The following CA10 variants were observed in gnomAD, a reference collection of about 807,000 sequenced individuals.
The protein encoded by CA10 is carbonic anhydrase-related protein 10.
A neutral mutation model predicts 44.2 loss-of-function variants in CA10; 14 were observed. That is an observed-to-expected ratio of 0.32 (90% CI 0.21 to 0.50). The LOEUF (loss-of-function observed/expected upper bound fraction) is 0.50. Ranked by LOEUF, CA10 falls within the 20% of genes least tolerant of loss-of-function variation. The pLI is 0.99. For missense variants in CA10, 350 were observed against 409.7 expected, an observed-to-expected ratio of 0.85 and a Z score of 1.26; for synonymous variants, 159 against 141.6, an observed-to-expected ratio of 1.12 and a Z score of -0.87.
At chr17:51,820,866 A>G (rs1240439056) in intron 3 of CA10, among the ~76,000 whole-genome samples, 2 of 152,104 alleles carry the variant, frequency 1.3e-5, no homozygotes, top group African/African-American at 4.8e-5. Context: ...CTGGATGCAG[A>G]AGTGTTTCTT....
At chr17:51,831,701 A>AGCGGCAGCGGCAGCAGCGGCAGCG (rs1567854601) in intron 3 of CA10, among the ~76,000 whole-genome samples, 3 of 84,756 alleles carry the variant, frequency 3.5e-5, no homozygotes, top group Non-Finnish European at 8.5e-5. Flanking sequence ...CAGCAGCAGC[A>AGCGGCAGCGGCAGCAGCGGCAGCG]GCAGCAGCAG....
chr17:51,694,541 T>A (rs910013420), intron 4 of CA10, among the ~76,000 whole-genome samples: 2 of 151,240 alleles, frequency 1.3e-5, no homozygotes, highest in African/African-American at 4.9e-5. Context: ...TTCTTGTAGG[T>A]TCTGGATATC....
chr17:51,695,672 A>G (rs1915378924), intron 4 of CA10, among the ~76,000 whole-genome samples: 1 of 152,066 alleles, frequency 6.6e-6, no homozygotes, highest in Non-Finnish European at 1.5e-5. Context: ...TTCTTGCCAG[A>G]TTGCTCTGGC....
chr17:51,889,214 C>G (rs1169110549), intron 3 of CA10, among the ~76,000 whole-genome samples: 6 of 152,086 alleles, frequency 3.9e-5, no homozygotes, highest in African/African-American at 1.4e-4. Flanking sequence ...GTTACTTATA[C>G]AGGGCTAGTC....
At chr17:51,881,242 GAAAAAAAA>G (rs11423498) in intron 3 of CA10, among the ~76,000 whole-genome samples, 1 of 123,734 alleles carries the variant, frequency 8.1e-6, no homozygotes, top group East Asian at 2.4e-4. Flanking sequence ...TCCGTCTCAA[GAAAAAAAA>G]AAAAAAAAAA....
At chr17:52,097,487 T>C (rs954128613) in intron 1 of CA10, among the ~76,000 whole-genome samples, 3 of 152,210 alleles carry the variant, frequency 2.0e-5, no homozygotes, top group Non-Finnish European at 4.4e-5. Context: ...CTCTTGCACT[T>C]CTAATTTTCA....
At chr17:51,918,573 A>G (rs1268264938) in intron 3 of CA10, among the ~76,000 whole-genome samples, 1 of 152,232 alleles carries the variant, frequency 6.6e-6, no homozygotes, top group Non-Finnish European at 1.5e-5. Context: ...GGGTTAGAGC[A>G]TGCATGTTTC....
intron 3 of CA10, among the ~76,000 whole-genome samples, chr17:51,837,440 T>C (rs1475115850): frequency 1.3e-5 from 2 of 152,216 alleles, no homozygotes; most frequent in East Asian, 3.8e-4. Flanking sequence ...GTGATTCTCA[T>C]GACCACATTA....
intron 3 of CA10, among the ~76,000 whole-genome samples, chr17:51,822,433 CA>C (rs1225219966): frequency 6.6e-6 from 1 of 150,784 alleles, no homozygotes; most frequent in Non-Finnish European, 1.5e-5. Flanking sequence ...AAAACAAAAA[CA>C]AAAACAAAAA....
chr17:51,702,382 G>A (rs986975631), intron 4 of CA10, among the ~76,000 whole-genome samples: 1 of 152,062 alleles, frequency 6.6e-6, no homozygotes, highest in Non-Finnish European at 1.5e-5. Flanking sequence ...CTGGGCCTCT[G>A]CTTTTCAATC....
At chr17:51,996,924 A>G (rs1005633277) in intron 2 of CA10, among the ~76,000 whole-genome samples, 10 of 152,050 alleles carry the variant, frequency 6.6e-5, no homozygotes, top group African/African-American at 2.4e-4. Context: ...TATGCACAAC[A>G]ATTTCCCCCA....
At chr17:51,765,857 G>A (rs1462780561) in intron 3 of CA10, among the ~76,000 whole-genome samples, 1 of 152,078 alleles carries the variant, frequency 6.6e-6, no homozygotes, top group Non-Finnish European at 1.5e-5. Context: ...ATGGATATCT[G>A]GAAGAGTCAG....
intron 3 of CA10, among the ~76,000 whole-genome samples, chr17:51,864,367 TA>T (rs2143847071): frequency 6.6e-6 from 1 of 152,236 alleles, no homozygotes; most frequent in East Asian, 1.9e-4. Context: ...GAGTGAATAA[TA>T]AAAGTCAAGA....
intron 3 of CA10, among the ~76,000 whole-genome samples, chr17:51,921,765 A>G (rs1708013840): frequency 6.6e-6 from 1 of 152,174 alleles, no homozygotes; most frequent in Non-Finnish European, 1.5e-5. Flanking sequence ...TGAGCATATT[A>G]TTCATTAACT....
At chr17:52,052,639 TAATA>T (rs985298405) in intron 2 of CA10, among the ~76,000 whole-genome samples, 8 of 152,040 alleles carry the variant, frequency 5.3e-5, no homozygotes, top group African/African-American at 1.9e-4. Context: ...TTTAATAAAA[TAATA>T]AATAAATAAC....
chr17:52,062,984 CA>C (rs1987431049), intron 2 of CA10, among the ~76,000 whole-genome samples: 2 of 152,236 alleles, frequency 1.3e-5, no homozygotes, highest in African/African-American at 4.8e-5. Context: ...ATGTGGGCTG[CA>C]CCCAGAAAAA....
At chr17:51,698,756 T>C (rs1465331978) in intron 4 of CA10, among the ~76,000 whole-genome samples, 2 of 152,230 alleles carry the variant, frequency 1.3e-5, no homozygotes, top group African/African-American at 4.8e-5. Flanking sequence ...ACCTACTCTC[T>C]GCTTCTGTGA....
intron 6 of CA10, among the ~76,000 whole-genome samples, chr17:51,636,625 G>A (rs543347597): frequency 6.6e-6 from 1 of 152,184 alleles, no homozygotes; most frequent in South Asian, 2.1e-4. Context: ...GGTATCATGA[G>A]ATGGACAATT....
chr17:52,059,918 G>A (rs2143087110), intron 2 of CA10, among the ~76,000 whole-genome samples: 1 of 152,280 alleles, frequency 6.6e-6, no homozygotes, highest in East Asian at 1.9e-4. Context: ...GGGCTTTGGA[G>A]TACAGTCCAA....
Sources: gnomAD v4.1 joint callset for allele counts (sites outside exome capture counted in the v4.1 genomes callset) on GRCh38, gnomAD v4.1.1 for gene constraint, MANE v1.5 for transcripts, NCBI Gene and HGNC (gene_info 2026-07-23, HGNC 2026-07-21) for gene names.